The following EPB41 variants were observed in gnomAD, a reference collection of about 807,000 sequenced individuals.
The protein encoded by EPB41 is erythrocyte membrane protein band 4.1.
Under a neutral mutation model 108.0 loss-of-function variants are expected in EPB41, and 65 were observed. The ratio of observed to expected loss-of-function variants is 0.60; its 90% CI spans 0.49 to 0.74. EPB41 has a LOEUF of 0.74. EPB41 is among the 30% of genes least tolerant of loss of function. EPB41 has a pLI of 0.00. For missense variants in EPB41, 875 were observed against 1,037.0 expected, an observed-to-expected ratio of 0.84 and a Z score of 2.15; for synonymous variants, 336 against 358.9, an observed-to-expected ratio of 0.94 and a Z score of 0.72.
rs1040039946 is a variant in EPB41, at chr1:29,068,703, C to T, written c.2184+3545C>T. 7.3e-6 allele frequency: 9 copies of T among 1,228,550 alleles called. No homozygotes were observed. The East Asian group carries it at 9.5e-5, about 13-fold the overall frequency. The allele number at this position is 1,228,550 out of a possible 1,614,324, so 76.1% of individuals were successfully genotyped here. A position where few individuals can be genotyped will look rare whatever the true frequency, so the allele number is the denominator to read the frequency against. ...GTATTGTTGTTGCATTGCAAGGCAA[C>T]TGAATTTTATATAATTTGTGTATGA... On this transcript the variant is annotated intron_variant, in intron 16 of 20. Transcript: ENST00000343067.
intron 1 of EPB41, among the ~76,000 whole-genome samples, chr1:28,976,528 A>T (rs954693088): frequency 2.6e-5 from 4 of 151,372 alleles, no homozygotes; most frequent in Non-Finnish European, 5.9e-5. Flanking sequence ...CTAATTTTTT[A>T]TTTTTTGCAG....
At chr1:29,087,917 T>A (rs1659751428) in intron 16 of EPB41, among the ~76,000 whole-genome samples, 1 of 152,186 alleles carries the variant, frequency 6.6e-6, no homozygotes, top group Admixed American at 6.6e-5. Flanking sequence ...ATGTTTCTGT[T>A]CAGTTAAATA....
chr1:28,960,637 G>A (rs1320998238), intron 1 of EPB41, among the ~76,000 whole-genome samples: 2 of 151,752 alleles, frequency 1.3e-5, no homozygotes, highest in Admixed American at 1.3e-4. Context: ...GGCTGTGGTA[G>A]GAGGATCATT....
At chr1:28,891,103 G>T in intron 1 of EPB41, 1 of 567,718 alleles carries the variant, frequency 1.8e-6, no homozygotes, top group Non-Finnish European at 2.2e-6. Context: ...CGCAGCTACT[G>T]CCCAGGTGCA....
intron 10 of EPB41, among the ~76,000 whole-genome samples, chr1:29,037,600 T>G (rs1193622232): frequency 6.7e-6 from 1 of 148,832 alleles, no homozygotes; most frequent in Non-Finnish European, 1.5e-5. Flanking sequence ...TTTTTTTTTT[T>G]GAGACAGAGT....
At chr1:29,033,962 C>G (rs1638411428) in intron 9 of EPB41, among the ~76,000 whole-genome samples, 1 of 152,122 alleles carries the variant, frequency 6.6e-6, no homozygotes. Context: ...ATTTGAAGAT[C>G]AAATGAGATG....
At chr1:29,069,302 C>T in intron 16 of EPB41, 7 of 1,231,580 alleles carry the variant, frequency 5.7e-6, no homozygotes, top group Non-Finnish European at 7.1e-6. Context: ...TAGATAACAT[C>T]TGTCTTGACT....
At chr1:29,109,211 AG>A in intron 17 of EPB41, 124 bp from the exon 18 acceptor site, 1 of 739,814 alleles carries the variant, frequency 1.4e-6, no homozygotes, top group Non-Finnish European at 2.3e-6. Context: ...AAAAAAAAAA[AG>A]AGGTCATTCT....
At chr1:28,936,215 A>T (rs1217157466) in intron 1 of EPB41, among the ~76,000 whole-genome samples, 1 of 152,148 alleles carries the variant, frequency 6.6e-6, no homozygotes, top group Non-Finnish European at 1.5e-5. Context: ...ACAATCTAAA[A>T]CTTCAGAAGG....
intron 7 of EPB41, among the ~76,000 whole-genome samples, chr1:29,027,083 C>T (rs1456518398): frequency 6.8e-6 from 1 of 148,096 alleles, no homozygotes; most frequent in Non-Finnish European, 1.5e-5. Context: ...CGGAGTGGGA[C>T]TCCATCTCAA....
intron 16 of EPB41, among the ~76,000 whole-genome samples, chr1:29,082,018 G>A (rs984733246): frequency 1.9e-4 from 29 of 152,148 alleles, no homozygotes; most frequent in African/African-American, 6.0e-4. Context: ...GATTTCTCAA[G>A]AAGATAAAAC....
intron 1 of EPB41, among the ~76,000 whole-genome samples, chr1:28,963,528 G>T (rs977053218): frequency 6.6e-6 from 1 of 152,198 alleles, no homozygotes; most frequent in African/African-American, 2.4e-5. Flanking sequence ...CCTCTGATGA[G>T]CAGTAACTCA....
intron 1 of EPB41, among the ~76,000 whole-genome samples, chr1:28,888,352 C>T (rs2089691469): frequency 1.3e-5 from 2 of 152,208 alleles, no homozygotes; most frequent in Non-Finnish European, 2.9e-5. Flanking sequence ...CTGGCACGCG[C>T]CCCGGAGCTT....
At chr1:28,950,169 TAGG>T (rs1266039383) in intron 1 of EPB41, among the ~76,000 whole-genome samples, 3 of 152,160 alleles carry the variant, frequency 2.0e-5, no homozygotes, top group Non-Finnish European at 4.4e-5. Flanking sequence ...GGTAGATACT[TAGG>T]AGTAGAATTG....
intron 1 of EPB41, among the ~76,000 whole-genome samples, chr1:28,937,425 G>A (rs1434694174): frequency 1.3e-5 from 2 of 151,894 alleles, no homozygotes; most frequent in Non-Finnish European, 2.9e-5. Context: ...GCAGAGTCTC[G>A]CTCTTGTCGC....
At position 29,039,440 on chromosome 1, in the gene EPB41, AT is replaced by A. The variant is rs779815085; in HGVS notation, c.1636+16del. On this transcript the variant is annotated intron_variant, in intron 11 of 20. Transcript: ENST00000343067. Reference sequence around the variant, plus strand: ...GCCTCGATGGAGGTTTGTATTGAATATTAATGATTTCTTGTGATCATAATTC... The same window carrying A: ...GCCTCGATGGAGGTTTGTATTGAATATAATGATTTCTTGTGATCATAATTC... 3 of 1,613,198 alleles carry A rather than the reference AT, an allele frequency of 1.9e-6. No individual in the cohort carries two copies. In the East Asian group the frequency reaches 6.7e-5, roughly 36 times the overall value.
At chr1:28,989,410 T>G (rs2095952705) in intron 2 of EPB41, 2 of 980,052 alleles carry the variant, frequency 2.0e-6, no homozygotes, top group South Asian at 9.5e-5. Context: ...CTGAAGCATG[T>G]GAATATTATC....
intron 1 of EPB41, among the ~76,000 whole-genome samples, chr1:28,923,347 G>C (rs895194972): frequency 6.6e-6 from 1 of 151,828 alleles, no homozygotes; most frequent in South Asian, 2.1e-4. Flanking sequence ...TACCCGCCTC[G>C]GCCTCCCAAA....
intron 1 of EPB41, among the ~76,000 whole-genome samples, chr1:28,924,964 C>CAT (rs1553168191): frequency 3.9e-5 from 5 of 128,330 alleles, no homozygotes; most frequent in Admixed American, 8.1e-5. Flanking sequence ...GCCTGGCTAA[C>CAT]TTTTTTTTTT....
Sources: gnomAD v4.1 joint callset for allele counts (sites outside exome capture counted in the v4.1 genomes callset) on GRCh38, gnomAD v4.1.1 for gene constraint, MANE v1.5 for transcripts, NCBI Gene and HGNC (gene_info 2026-07-23, HGNC 2026-07-21) for gene names.